The following FILIP1L variants were observed in gnomAD, a reference collection of about 807,000 sequenced individuals.
The protein encoded by FILIP1L is filamin A-interacting protein 1-like.
Under a neutral mutation model 96.6 loss-of-function variants are expected in FILIP1L, and 55 were observed. That is an observed-to-expected ratio of 0.57 (90% CI 0.46 to 0.71). FILIP1L has a LOEUF of 0.71. FILIP1L is among the 30% of genes least tolerant of loss of function. FILIP1L has a pLI of 0.00. For synonymous variants in FILIP1L, 467 were observed against 473.9 expected, an observed-to-expected ratio of 0.99 and a Z score of 0.19; for missense variants, 1,304 against 1,321.2, an observed-to-expected ratio of 0.99 and a Z score of 0.20.
chr3:99,855,040 G>C (rs1249738428), intron 4 of FILIP1L, among the ~76,000 whole-genome samples: 6 of 152,200 alleles, frequency 3.9e-5, no homozygotes, highest in Non-Finnish European at 2.9e-5. Context: ...TAGACTGACT[G>C]TGGGTAACAA....
chr3:99,883,019 T>C (rs1318888508), intron 4 of FILIP1L, among the ~76,000 whole-genome samples: 1 of 142,750 alleles, frequency 7.0e-6, no homozygotes, highest in Non-Finnish European at 1.6e-5. Context: ...TTGGGGGTTC[T>C]GTACATGAGA....
At chr3:99,972,029 A>T (rs1428540879) in intron 1 of FILIP1L, among the ~76,000 whole-genome samples, 5 of 152,246 alleles carry the variant, frequency 3.3e-5, no homozygotes, top group African/African-American at 1.2e-4. Context: ...ATGGTTAAGT[A>T]TCTATAATAT....
At chr3:100,104,764 A>T (rs2066366597) in intron 1 of FILIP1L, among the ~76,000 whole-genome samples, 2 of 152,058 alleles carry the variant, frequency 1.3e-5, no homozygotes, top group Non-Finnish European at 2.9e-5. Context: ...ATCAAGAGAA[A>T]CTCAGAAAAA....
chr3:99,908,612 G>A (rs1449045109), intron 4 of FILIP1L, among the ~76,000 whole-genome samples: 1 of 152,092 alleles, frequency 6.6e-6, no homozygotes, highest in African/African-American at 2.4e-5. Flanking sequence ...GTGTGATCTT[G>A]GGAAAGTTAC....
chr3:99,864,753 C>A (rs1320228566), intron 4 of FILIP1L, among the ~76,000 whole-genome samples: 3 of 152,052 alleles, frequency 2.0e-5, no homozygotes, highest in Non-Finnish European at 4.4e-5. Context: ...AAACAGAACA[C>A]GGCATGGTGT....
At chr3:99,999,467 G>GT (rs1709780753) in intron 1 of FILIP1L, among the ~76,000 whole-genome samples, 1 of 152,184 alleles carries the variant, frequency 6.6e-6, no homozygotes. Flanking sequence ...AAATTGTTTA[G>GT]TAGATTATCG....
intron 4 of FILIP1L, among the ~76,000 whole-genome samples, chr3:99,878,165 CTT>C (rs1476716826): frequency 2.0e-5 from 3 of 152,190 alleles, no homozygotes; most frequent in African/African-American, 7.2e-5. Flanking sequence ...ACATCAGTCT[CTT>C]GACCCAGCTA....
At chr3:99,868,190 TA>T (rs1227227010) in intron 4 of FILIP1L, among the ~76,000 whole-genome samples, 2 of 152,178 alleles carry the variant, frequency 1.3e-5, no homozygotes, top group African/African-American at 4.8e-5. Flanking sequence ...TTCAGATGAG[TA>T]AGACATTTTT....
At chr3:99,902,256 C>T (rs1006205584) in intron 4 of FILIP1L, among the ~76,000 whole-genome samples, 3 of 152,134 alleles carry the variant, frequency 2.0e-5, no homozygotes, top group Non-Finnish European at 4.4e-5. Flanking sequence ...GGTCTCTTGA[C>T]AACCAAAAGT....
chr3:99,981,967 A>G (rs1709137841), intron 1 of FILIP1L, among the ~76,000 whole-genome samples: 1 of 151,978 alleles, frequency 6.6e-6, no homozygotes, highest in Admixed American at 6.6e-5. Context: ...CTCTACAAAA[A>G]ATTAAACAAC....
intron 4 of FILIP1L, among the ~76,000 whole-genome samples, chr3:99,910,485 C>G (rs1285359724): frequency 7.3e-6 from 1 of 136,446 alleles, no homozygotes; most frequent in Admixed American, 7.8e-5. Context: ...TAAACAAACA[C>G]ATGTCTTCAC....
At chr3:99,999,985 TAAAAAC>T (rs1709795734) in intron 1 of FILIP1L, among the ~76,000 whole-genome samples, 3 of 152,140 alleles carry the variant, frequency 2.0e-5, no homozygotes, top group African/African-American at 7.2e-5. Flanking sequence ...AGCCCTGGCT[TAAAAAC>T]AAAAAGAAAA....
chr3:99,890,019 G>A (rs1386922774), intron 4 of FILIP1L, among the ~76,000 whole-genome samples: 1 of 151,772 alleles, frequency 6.6e-6, no homozygotes, highest in Non-Finnish European at 1.5e-5. Context: ...TTCTCTCTGG[G>A]ACCACTTTCC....
At chr3:99,966,078 G>A (rs988158749) in intron 1 of FILIP1L, among the ~76,000 whole-genome samples, 2 of 152,204 alleles carry the variant, frequency 1.3e-5, no homozygotes, top group East Asian at 3.8e-4. Flanking sequence ...CAACAGTGTT[G>A]TAACACAGAA....
At chr3:99,854,022 G>C (rs943690852) in intron 4 of FILIP1L, among the ~76,000 whole-genome samples, 4 of 152,210 alleles carry the variant, frequency 2.6e-5, no homozygotes, top group African/African-American at 9.6e-5. Context: ...GAGAGGGAAA[G>C]ACAGCTGGTT....
At chr3:99,956,689 C>G (rs1193631063) in intron 1 of FILIP1L, among the ~76,000 whole-genome samples, 2 of 152,214 alleles carry the variant, frequency 1.3e-5, no homozygotes, top group Non-Finnish European at 2.9e-5. Context: ...CCTCTTAAAT[C>G]TTGCCCATCA....
intron 5 of FILIP1L, among the ~76,000 whole-genome samples, chr3:99,837,944 C>T (rs1458771356): frequency 2.6e-5 from 4 of 152,192 alleles, no homozygotes; most frequent in Non-Finnish European, 4.4e-5. Flanking sequence ...AAGGCAGCCA[C>T]CTACTTATAA....
At chr3:99,983,462 G>GTATATATATATATATATATATATATA (rs1466852207) in intron 1 of FILIP1L, among the ~76,000 whole-genome samples, 1 of 11,996 alleles carries the variant, frequency 8.3e-5, no homozygotes. Flanking sequence ...ATATATATGT[G>GTATATATATATATATATATATATATA]TGTATATATA....
At chr3:100,062,529 A>G (rs1332877424) in intron 1 of FILIP1L, among the ~76,000 whole-genome samples, 1 of 152,080 alleles carries the variant, frequency 6.6e-6, no homozygotes, top group Admixed American at 6.6e-5. Flanking sequence ...GGGGTCAGTC[A>G]CACCAACCTC....
Sources: gnomAD v4.1 joint callset for allele counts (sites outside exome capture counted in the v4.1 genomes callset) on GRCh38, gnomAD v4.1.1 for gene constraint, MANE v1.5 for transcripts, NCBI Gene and HGNC (gene_info 2026-07-23, HGNC 2026-07-21) for gene names.